Variants in DNAJC11 observed in about 807,000 individuals in gnomAD.
DNAJC11 encodes DnaJ heat shock protein family (Hsp40) member C11, also known as dnaJ homolog subfamily C member 11.
Under a neutral mutation model 78.6 loss-of-function variants are expected in DNAJC11, and 15 were observed. That is an observed-to-expected ratio of 0.19 (90% confidence interval 0.13 to 0.29). The LOEUF is 0.29. DNAJC11 is among the 10% of genes least tolerant of loss of function. DNAJC11 has a pLI of 1.00. For missense variants in DNAJC11, 547 were observed against 709.6 expected, an observed-to-expected ratio of 0.77 and a Z score of 2.60; for synonymous variants, 292 against 272.1, an observed-to-expected ratio of 1.07 and a Z score of -0.72.
At chr1:6,700,501 C>T (rs1247379404) in intron 1 of DNAJC11, among the ~76,000 whole-genome samples, 2 of 152,188 alleles carry the variant, frequency 1.3e-5, no homozygotes, top group Non-Finnish European at 2.9e-5. Flanking sequence ...ACAAGCTGGG[C>T]TCCAGAGTCA....
intron 14 of DNAJC11, 97 bp from the exon 15 acceptor site, chr1:6,636,343 C>T: frequency 1.3e-6 from 2 of 1,517,968 alleles, no homozygotes; most frequent in Non-Finnish European, 1.8e-6. Flanking sequence ...CAGGCTCTGA[C>T]ATTCCCTGGG....
At position 6,693,819 on chromosome 1, in the gene DNAJC11, T is replaced by C. The variant is rs913523339; in HGVS notation, c.72+7910A>G. ...CTTCTAGGTTCAAGCAATCCTCCTG[T>C]AACCAAGTACCCCCATTTTTTTTTT... On this transcript the variant is annotated intron_variant, in intron 1 of 15. Coordinates refer to ENST00000377577, the MANE Select transcript of DNAJC11 (RefSeq NM_018198.4). Among the ~76,000 whole-genome samples, 17 of 150,512 alleles carry C rather than the reference T, an allele frequency of 1.1e-4. No homozygotes were observed. The East Asian group carries it at 3.3e-3, about 30-fold the overall frequency.
At chr1:6,660,347 C>T (rs112450351) in intron 4 of DNAJC11, among the ~76,000 whole-genome samples, 168 of 151,856 alleles carry the variant, frequency 1.1e-3, no homozygotes, top group African/African-American at 3.7e-3. Context: ...AGTAGAGACG[C>T]GGTTTTGCCA....
At chr1:6,684,840 T>C (rs1404190709) in intron 1 of DNAJC11, among the ~76,000 whole-genome samples, 1 of 152,204 alleles carries the variant, frequency 6.6e-6, no homozygotes, top group Non-Finnish European at 1.5e-5. Context: ...AAGTCTATAA[T>C]CTTTCATCAT....
rs1642541201 is a variant in DNAJC11 at position 6,680,924 on chromosome 1, A to G, written c.186T>C (p.Val62=). ...TCCACTGACCTTCATAAGCCTGGTG[A>G]ACAAGGTTAAACAGTCGTTCCGCCT... is the stretch of plus-strand genomic sequence containing the variant. ...KSQAERLFNL[V]HQAYEVLSDP... The change falls in exon 2 of 16, where the codon GTT becomes GTC. Residue 62 remains valine (V), a synonymous_variant. Transcript: ENST00000377577. The surrounding 1 kb of genome is among the most constrained non-coding windows in gnomAD (Gnocchi z 4.0). The G allele has an allele frequency of 6.2e-7, 1 of 1,614,030 alleles. No homozygotes were observed.
In DNAJC11 at chr1:6,658,151, C is replaced by T. The variant is rs75821698; in HGVS notation, c.379-4112G>A. 4.2e-3 allele frequency among the ~76,000 whole-genome samples: 640 copies of T among 152,200 alleles called. 7 individuals carry two copies. The highest frequency in any genetic ancestry group is 0.014 in the African/African-American group (601 of 41,514). ...GCAGCAATGGAGTGACACCTTCAGA[C>T]GGGATCTGGGGACTGAGGGCTCCGG... On this transcript the variant is annotated intron_variant, in intron 4 of 15. Coordinates refer to ENST00000377577, the MANE Select transcript of DNAJC11 (RefSeq NM_018198.4).
intron 1 of DNAJC11, among the ~76,000 whole-genome samples, chr1:6,695,950 A>G (rs920462662): frequency 6.6e-6 from 1 of 152,214 alleles, no homozygotes; most frequent in Non-Finnish European, 1.5e-5. Context: ...TCCCATTGTT[A>G]ACTAAGAAGT....
chr1:6,691,631 A>G (rs1436949339), intron 1 of DNAJC11, among the ~76,000 whole-genome samples: 5 of 152,100 alleles, frequency 3.3e-5, no homozygotes, highest in Non-Finnish European at 7.3e-5. Flanking sequence ...GTTGATCTCT[A>G]TTGGCTTGGC....
chr1:6,659,512 C>G (rs576372236), intron 4 of DNAJC11, among the ~76,000 whole-genome samples: 82 of 152,316 alleles, frequency 5.4e-4, no homozygotes, highest in Middle Eastern at 3.4e-3. Context: ...GTAATCACAG[C>G]GCTCTGGGAG....
chr1:6,695,627 T>TAAAAAAAAAA lies in DNAJC11; in HGVS notation c.72+6092_72+6101dup, dbSNP rs70984004. 8.9e-4 allele frequency among the ~76,000 whole-genome samples: 74 copies of TAAAAAAAAAA among 82,996 alleles called. 7 individuals are homozygous for TAAAAAAAAAA. The highest frequency in any genetic ancestry group is 1.5e-3 in the African/African-American group (34 of 22,466). The allele number at this position is 82,996 out of a possible 152,430, so 54.4% of individuals were successfully genotyped here. A position where few individuals can be genotyped will look rare whatever the true frequency, so the allele number is the denominator to read the frequency against. ...CAACATAGTGAAACCCTATCTCTAC[T>TAAAAAAAAAA]AAAAAAAAAAAAAAAAAAAAAAAAA... On this transcript the variant is annotated intron_variant, in intron 1 of 15. Transcript: ENST00000377577.
intron 3 of DNAJC11, chr1:6,670,355 A>G (rs1642360975): frequency 6.6e-6 from 1 of 151,986 alleles, no homozygotes; most frequent in South Asian, 2.1e-4. Context: ...TTTTTTTTGT[A>G]TCTCTTCCTA....
intron 1 of DNAJC11, among the ~76,000 whole-genome samples, chr1:6,700,768 G>C (rs1642912120): frequency 6.6e-6 from 1 of 152,170 alleles, no homozygotes; most frequent in Non-Finnish European, 1.5e-5. Context: ...AACCCGCTTT[G>C]GTTAGCATAG....
At position 6,634,530 on chromosome 1, in the gene DNAJC11, C is replaced by T. The variant is rs752106891; in HGVS notation, c.*1145G>A. The T allele has an allele frequency of 4.4e-6, 6 of 1,362,498 alleles. No homozygotes were observed. The South Asian group carries it at 6.9e-5, about 16-fold the overall frequency. The allele number at this position is 1,362,498 out of a possible 1,614,324, so 84.4% of individuals were successfully genotyped here. ...GGGCCCCCCGCGCCAGCTGTCTCAG[C>T]CACCACCTGTGCGGCGCTTGCTCCG... is the stretch of plus-strand genomic sequence containing the variant. On this transcript the variant is annotated 3_prime_UTR_variant, in exon 16 of 16. Transcript: ENST00000377577.
intron 4 of DNAJC11, among the ~76,000 whole-genome samples, chr1:6,663,100 C>T (rs1004196436): frequency 1.3e-5 from 2 of 152,144 alleles, no homozygotes; most frequent in African/African-American, 4.8e-5. Flanking sequence ...TGAATTGTGT[C>T]TCTCAGCTAT....
At chr1:6,673,694 A>G (rs1396413571) in intron 3 of DNAJC11, among the ~76,000 whole-genome samples, 1 of 152,202 alleles carries the variant, frequency 6.6e-6, no homozygotes, top group Non-Finnish European at 1.5e-5. Context: ...TTCAGATTTC[A>G]CTAGATTTTC....
At chr1:6,643,675 G>A (rs1315560549) in intron 10 of DNAJC11, among the ~76,000 whole-genome samples, 1 of 152,104 alleles carries the variant, frequency 6.6e-6, no homozygotes, top group Non-Finnish European at 1.5e-5. Flanking sequence ...TGAGAGGGAT[G>A]AACCGATATG....
chr1:6,664,189 G>A (rs2039363), intron 4 of DNAJC11, among the ~76,000 whole-genome samples: 55,033 of 151,848 alleles, frequency 0.36, 10,341 homozygotes, highest in African/African-American at 0.43. Flanking sequence ...AAACAGCACC[G>A]GGCCTGGCCC....
At chr1:6,640,246 A>G (rs1360810551) in intron 10 of DNAJC11, among the ~76,000 whole-genome samples, 189 bp from the exon 11 acceptor site, 1 of 152,096 alleles carries the variant, frequency 6.6e-6, no homozygotes, top group African/African-American at 2.4e-5. Flanking sequence ...TGGCTGATGG[A>G]TCTGACACTG....
intron 4 of DNAJC11, among the ~76,000 whole-genome samples, chr1:6,659,785 C>T (rs1297648906): frequency 3.3e-5 from 5 of 150,926 alleles, no homozygotes; most frequent in African/African-American, 9.7e-5. Flanking sequence ...AGGCCGGGCA[C>T]GGTGGCTCAC....
Sources: gnomAD v4.1 joint callset for allele counts (sites outside exome capture counted in the v4.1 genomes callset) on GRCh38, gnomAD v4.1.1 for gene constraint, Gnocchi (gnomAD v3.1) non-coding constraint, MANE v1.5 for transcripts, NCBI Gene and HGNC (gene_info 2026-07-23, HGNC 2026-07-21) for gene names.